C1orf198: variants seen among roughly 807,000 people sequenced by gnomAD.
C1orf198 encodes chromosome 1 open reading frame 198, also known as uncharacterized protein C1orf198.
In C1orf198, 17 loss-of-function variants were observed where a neutral mutation model predicts 31.4. That is an observed-to-expected ratio of 0.54 (90% CI 0.37 to 0.81). The LOEUF (loss-of-function observed/expected upper bound fraction) is 0.81, where lower values mean the gene tolerates loss of function less well. C1orf198 is among the 40% of genes least tolerant of loss of function. The pLI, the probability that C1orf198 is intolerant of heterozygous loss-of-function variation, is 0.00. For missense variants in C1orf198, 401 were observed against 450.3 expected (o/e 0.89, Z 0.99); for synonymous variants, 175 against 193.8 (o/e 0.90, Z 0.81).
rs779130236 is a variant in C1orf198, at chr1:230,868,345, G to A, written c.168C>T (p.Pro56=). 1 of 1,595,628 alleles carries A rather than the reference G, an allele frequency of 6.3e-7. No homozygotes were observed. Among genetic ancestry groups the A allele is most frequent in the Admixed American group, 1.7e-5 (1 of 58,732 alleles). ...GCGCGGGCGGCAGCCGCGCCCACTC[G>A]GGCCCGTACTTCTCGCGGATCTTCT... is the stretch of plus-strand genomic sequence containing the variant. ...DKEKIREKYG[P]EWARLPPAQQ... Residue 56 remains proline (P), a synonymous_variant, in exon 1 of 4, where the codon CCC becomes CCT. Coordinates refer to ENST00000366663, the MANE Select transcript of C1orf198 (RefSeq NM_032800.3).
At position 230,868,257 on chromosome 1, in the gene C1orf198, C is replaced by T; in HGVS notation, c.256G>A (p.Gly86Arg). The T allele has an allele frequency of 6.4e-7, 1 of 1,572,284 alleles. No homozygotes were observed. Among genetic ancestry groups the T allele is most frequent in the South Asian group, 1.1e-5 (1 of 87,022 alleles). The part of the protein sequence containing the change: ...GPRAPAPRDP[G>R]DSEELTRFPG... ...AAGCGCGTGAGCTCCTCCGAGTCCCCGGGGTCTCGGGGCGCCGGGGCGCGC... is the reference window on the plus strand; with the variant it reads ...AAGCGCGTGAGCTCCTCCGAGTCCCTGGGGTCTCGGGGCGCCGGGGCGCGC... Residue 86 changes from glycine to arginine, a missense_variant, in exon 1 of 4, where the codon GGG (glycine) becomes AGG (arginine). Transcript: ENST00000366663.
intron 2 of C1orf198, among the ~76,000 whole-genome samples, chr1:230,847,227 C>T (rs1333143406): frequency 2.7e-5 from 4 of 149,222 alleles, no homozygotes; most frequent in African/African-American, 7.4e-5. Context: ...TGCAGTGAGC[C>T]GAGATCGCGC....
At chr1:230,847,230 G>T (rs1397531318) in intron 2 of C1orf198, among the ~76,000 whole-genome samples, 1 of 133,078 alleles carries the variant, frequency 7.5e-6, no homozygotes, top group African/African-American at 2.8e-5. Flanking sequence ...AGTGAGCCGA[G>T]ATCGCGCCAC....
chr1:230,852,589 C>T (rs971582578), intron 2 of C1orf198, among the ~76,000 whole-genome samples: 15 of 152,052 alleles, frequency 9.9e-5, no homozygotes, highest in African/African-American at 1.4e-4. Context: ...AAAGAGTTCT[C>T]GAGATGGATG....
At chr1:230,867,630 T>C (rs895697155) in intron 1 of C1orf198, among the ~76,000 whole-genome samples, 3 of 152,226 alleles carry the variant, frequency 2.0e-5, no homozygotes, top group Admixed American at 6.5e-5. Flanking sequence ...ACACCTTTTC[T>C]TCCTTGTTAC....
rs539501910 is a variant in C1orf198 at position 230,848,222 on chromosome 1, G to A, written c.385-4326C>T. ...AGCAGCTACCTAGTTTAGGGGGTCT[G>A]GAGGTGACTATGGGGAAGACAAGAA... is the stretch of plus-strand genomic sequence containing the variant. On this transcript the variant is annotated intron_variant, in intron 2 of 3. Transcript: ENST00000366663. Among the ~76,000 whole-genome samples the A allele has an allele frequency of 1.9e-4, 29 of 152,354 alleles. No individual in the cohort carries two copies. In the South Asian group the frequency reaches 5.8e-3, roughly 30 times the overall value.
In C1orf198 at chr1:230,838,498, C is replaced by T. The variant is rs1482983819; in HGVS notation, c.*1354G>A. ...ATTCTGGAAATCATTTCAGAAGGTC[C>T]TATGAAACAGGCATTTAAAAAAAAA... On this transcript the variant is annotated 3_prime_UTR_variant, in exon 4 of 4. Coordinates refer to ENST00000366663, the MANE Select transcript of C1orf198 (RefSeq NM_032800.3). This position sits in a 1 kb window ranked among gnomAD's most constrained non-coding sequence, Gnocchi z 4.2. 6.7e-6 allele frequency: 1 copy of T among 150,094 alleles called. No individual in the cohort carries two copies. Among genetic ancestry groups the T allele is most frequent in the African/African-American group, 2.5e-5 (1 of 39,618 alleles). 9.3% of individuals were successfully genotyped at this position (150,094 alleles called of 1,614,324 possible).
In C1orf198 at chr1:230,857,264, G is replaced by A. The variant is rs1429824058; in HGVS notation, c.334-1546C>T. On this transcript the variant is annotated intron_variant, in intron 1 of 3. Transcript: ENST00000366663. The surrounding 1 kb of genome is among the most constrained non-coding windows in gnomAD (Gnocchi z 4.2). ...AAGCACGGCCAACCCTAGATGACAG[G>A]GGCAACACAGCAGGGCCTTTGTCCG... 6.6e-6 allele frequency among the ~76,000 whole-genome samples: 1 copy of A among 152,166 alleles called. No individual in the cohort carries two copies. Among genetic ancestry groups the A allele is most frequent in the Non-Finnish European group, 1.5e-5 (1 of 68,022 alleles).
chr1:230,838,229 C>T lies in C1orf198; in HGVS notation c.*1623G>A, dbSNP rs1258032455. On this transcript the variant is annotated 3_prime_UTR_variant, in exon 4 of 4. Transcript: ENST00000366663. This position sits in a 1 kb window ranked among gnomAD's most constrained non-coding sequence, Gnocchi z 4.2. The stretch of plus-strand genomic sequence containing the variant: ...CCACCATGCTGAAACCTTTTTTTGC[C>T]TCACATATATCAACTATACTTAAAT... 1 of 152,124 alleles carries T rather than the reference C, an allele frequency of 6.6e-6. No homozygotes were observed. The highest frequency in any genetic ancestry group is 1.9e-4 in the East Asian group (1 of 5,198). 9.4% of individuals were successfully genotyped at this position (152,124 alleles called of 1,614,324 possible). A position where few individuals can be genotyped will look rare whatever the true frequency, so the allele number is the denominator to read the frequency against.
Position 230,855,733 on chromosome 1 carries a change from C to T in C1orf198, c.334-15G>A, listed in dbSNP as rs914245644. The T allele has an allele frequency of 2.5e-6, 4 of 1,612,698 alleles. No homozygotes were observed. The highest frequency in any genetic ancestry group is 2.2e-5 in the East Asian group (1 of 44,836). On this transcript the variant is annotated splice_polypyrimidine_tract_variant and intron_variant, in intron 1 of 3. Coordinates refer to ENST00000366663, the MANE Select transcript of C1orf198 (RefSeq NM_032800.3). ...CAAGTTAGATCCTGAAATAAAAAAT[C>T]GAGAATAAGTCTGAAATTCAAACCC... is the stretch of plus-strand genomic sequence containing the variant.
intron 3 of C1orf198, among the ~76,000 whole-genome samples, chr1:230,842,555 C>T (rs1669468600): frequency 6.6e-6 from 1 of 151,966 alleles, no homozygotes; most frequent in African/African-American, 2.4e-5. Flanking sequence ...GATGCAAAGG[C>T]ATAAGAATGA....
chr1:230,868,294 G>T lies in C1orf198; in HGVS notation c.219C>A (p.Cys73Ter). 1 of 1,597,154 alleles carries T rather than the reference G, an allele frequency of 6.3e-7. No individual in the cohort carries two copies. Residue 73 changes from cysteine (C) to a stop codon, truncating the protein, a stop_gained, in exon 1 of 4, where the codon TGC (cysteine) becomes TGA (stop). Transcript: ENST00000366663. LOFTEE classifies it high-confidence loss of function. ...PAQQDEIIDRCLVGPRAPAPR... is the reference protein window; with the variant it reads ...PAQQDEIIDR ...GCGCCGGGGCGCGCGGCCCCACCAG[G>T]CACCGGTCGATGATCTCGTCCTGCT...
At chr1:230,854,613 C>G (rs1572135038) in intron 2 of C1orf198, among the ~76,000 whole-genome samples, 1 of 152,322 alleles carries the variant, frequency 6.6e-6, no homozygotes, top group East Asian at 1.9e-4. Context: ...CTCCCACGCC[C>G]TGAGGCCAGC....
At chr1:230,852,826 G>A (rs528375549) in intron 2 of C1orf198, among the ~76,000 whole-genome samples, 27 of 152,358 alleles carry the variant, frequency 1.8e-4, no homozygotes, top group Admixed American at 1.1e-3. Context: ...CAAACTCTCT[G>A]CAGCTCTTCT....
rs756381210 is a variant in C1orf198, at chr1:230,843,576, C to T, written c.705G>A (p.Pro235=). The part of the protein sequence containing the change: ...LPPCYRQEPA[P]KDREAKVERP... ...TTTCCACCTTGGCCTCCCTGTCCTT[C>T]GGGGCAGGTTCCTGCCGGTAGCAGG... is the stretch of plus-strand genomic sequence containing the variant. Residue 235 remains proline (P), a synonymous_variant, in exon 3 of 4, where the codon CCG becomes CCA. Transcript: ENST00000366663. This position sits in a 1 kb window ranked among gnomAD's most constrained non-coding sequence, Gnocchi z 4.9. 17 of 1,614,030 alleles carry T rather than the reference C, an allele frequency of 1.1e-5. No individual in the cohort carries two copies. Among genetic ancestry groups the T allele is most frequent in the Non-Finnish European group, 1.4e-5 (16 of 1,179,914 alleles).
chr1:230,846,896 G>C (rs889097483), intron 2 of C1orf198, among the ~76,000 whole-genome samples: 62 of 152,214 alleles, frequency 4.1e-4, no homozygotes, highest in Middle Eastern at 3.4e-3. Context: ...GAGGTCAGGA[G>C]ATCGAGACCA....
intron 1 of C1orf198, among the ~76,000 whole-genome samples, chr1:230,862,844 TA>T (rs1228254380): frequency 6.6e-6 from 1 of 152,226 alleles, no homozygotes; most frequent in African/African-American, 2.4e-5. Flanking sequence ...GAGTGAACCC[TA>T]AACTATGGAC....
chr1:230,860,816 C>T (rs1669988325), intron 1 of C1orf198, among the ~76,000 whole-genome samples: 2 of 152,098 alleles, frequency 1.3e-5, no homozygotes, highest in Admixed American at 6.5e-5. Context: ...GTGATGATTG[C>T]ACAACATTGA....
chr1:230,850,134 G>A (rs1669703105), intron 2 of C1orf198, among the ~76,000 whole-genome samples: 1 of 152,178 alleles, frequency 6.6e-6, no homozygotes, highest in Non-Finnish European at 1.5e-5. Flanking sequence ...CATCTCACAG[G>A]GACAAAGACG....
Sources: allele counts gnomAD v4.1 joint callset (sites outside exome capture counted in the v4.1 genomes callset), GRCh38; gene constraint gnomAD v4.1.1; non-coding constraint Gnocchi (gnomAD v3.1); transcripts MANE v1.5; gene names NCBI Gene and HGNC (gene_info 2026-07-23, HGNC 2026-07-21).